Variants in PITPNA observed in about 807,000 individuals in gnomAD.
PITPNA encodes the protein phosphatidylinositol transfer protein alpha isoform.
Under a neutral mutation model 50.3 loss-of-function variants are expected in PITPNA, and 13 were observed. That is an observed-to-expected ratio of 0.26 (90% CI 0.17 to 0.41). The LOEUF (loss-of-function observed/expected upper bound fraction) is 0.41. Ranked by LOEUF, PITPNA falls within the 10% of genes least tolerant of loss-of-function variation. The probability of loss-of-function intolerance (pLI) is 1.00; values close to 1 mark genes in which losing one functional copy is unlikely to be tolerated. For synonymous variants in PITPNA, 120 were observed against 119.6 expected, an observed-to-expected ratio of 1.00 and a Z score of -0.02; for missense variants, 207 against 333.4, an observed-to-expected ratio of 0.62 and a Z score of 2.95.
At chr17:1,530,752 C>G (rs2075576747) in intron 10 of PITPNA, among the ~76,000 whole-genome samples, 1 of 152,120 alleles carries the variant, frequency 6.6e-6, no homozygotes, top group African/African-American at 2.4e-5. Flanking sequence ...CAGAGGACAC[C>G]ACAGCAGGTA....
intron 10 of PITPNA, among the ~76,000 whole-genome samples, chr17:1,532,552 T>C (rs1423146377): frequency 6.6e-6 from 1 of 152,188 alleles, no homozygotes; most frequent in East Asian, 1.9e-4. Context: ...GGACAGCAAA[T>C]ACTTCCACGA....
chr17:1,557,187 C>T (rs1249643890), intron 2 of PITPNA, among the ~76,000 whole-genome samples: 1 of 152,144 alleles, frequency 6.6e-6, no homozygotes, highest in Non-Finnish European at 1.5e-5. Flanking sequence ...AGGCCCACCT[C>T]TGGCCCCCTC....
At chr17:1,543,112 G>C in intron 4 of PITPNA, 85 bp from the exon 5 acceptor site, 1 of 1,062,700 alleles carries the variant, frequency 9.4e-7, no homozygotes. Context: ...CCCACAAGGA[G>C]GACGAATGGC....
In PITPNA at chr17:1,543,008, G is replaced by T. The variant is rs753004898; in HGVS notation, c.297+12C>A. The T allele has an allele frequency of 1.9e-6, 3 of 1,582,176 alleles. No individual in the cohort carries two copies. Among genetic ancestry groups the T allele is most frequent in the Non-Finnish European group, 2.6e-6 (3 of 1,165,904 alleles). ...CATCATCTACAGTTCCAACCCCCTTGACAATACTTACTGTAATAACTGCTC... is the reference window on the plus strand; with the variant it reads ...CATCATCTACAGTTCCAACCCCCTTTACAATACTTACTGTAATAACTGCTC... On this transcript the variant is annotated intron_variant, in intron 5 of 11. Transcript: ENST00000313486.
intron 4 of PITPNA, among the ~76,000 whole-genome samples, chr17:1,545,706 AG>A (rs1263047664): frequency 6.6e-6 from 1 of 152,192 alleles, no homozygotes; most frequent in African/African-American, 2.4e-5. Flanking sequence ...TTTAACGTGC[AG>A]AAAAATGCCC....
At chr17:1,560,311 C>T (rs376939819) in intron 1 of PITPNA, among the ~76,000 whole-genome samples, 48 of 152,268 alleles carry the variant, frequency 3.2e-4, no homozygotes, top group African/African-American at 1.1e-3. Context: ...GGGCCTGGAG[C>T]GGCACTCACT....
intron 2 of PITPNA, among the ~76,000 whole-genome samples, chr17:1,554,107 T>G (rs2075723163): frequency 6.6e-6 from 1 of 152,204 alleles, no homozygotes; most frequent in South Asian, 2.1e-4. Context: ...TGCCCAGACT[T>G]AGCCCTTCCG....
chr17:1,551,279 C>CT (rs879024194), intron 3 of PITPNA, among the ~76,000 whole-genome samples: 1 of 150,496 alleles, frequency 6.6e-6, no homozygotes, highest in Admixed American at 6.6e-5. Flanking sequence ...TTTTCTTTTT[C>CT]TTTTTTTTCT....
In PITPNA at chr17:1,545,633, G is replaced by C. The variant is rs374926588; in HGVS notation, c.290-2606C>G. 3.3e-4 allele frequency among the ~76,000 whole-genome samples: 50 copies of C among 152,304 alleles called. No individual in the cohort carries two copies. The Middle Eastern group carries it at 0.014, about 41-fold the overall frequency. ...AGCTCCAGTGGCGCAATTGGTTAGC[G>C]CATGGTGCTGATACAGAAATTATGT... On this transcript the variant is annotated intron_variant, in intron 4 of 11. Coordinates refer to ENST00000313486, the MANE Select transcript of PITPNA (RefSeq NM_006224.4).
intron 2 of PITPNA, among the ~76,000 whole-genome samples, chr17:1,555,791 G>A (rs937055470): frequency 3.9e-5 from 6 of 152,168 alleles, no homozygotes; most frequent in East Asian, 1.9e-4. Flanking sequence ...GAAGCAGCCC[G>A]GCCGACCTGT....
chr17:1,541,574 G>A lies in PITPNA; in HGVS notation c.364C>T (p.Gln122Ter). The A allele has an allele frequency of 1.9e-6, 3 of 1,611,912 alleles. No individual in the cohort carries two copies. The highest frequency in any genetic ancestry group is 2.5e-6 in the Non-Finnish European group (3 of 1,178,128). ...TGGGAACTACTACTCACATTCTCCT[G>A]CGTGCCAAGATCTGGTTTGTGCCAG... Reference protein sequence around the residue: ...ETWHKPDLGTQENVHKLEPEA... With the variant: ...ETWHKPDLGT Residue 122 changes from glutamine to a stop codon, truncating the protein, a stop_gained, in exon 6 of 12, where the codon CAG becomes TAG. Transcript: ENST00000313486. LOFTEE classifies it high-confidence loss of function.
intron 4 of PITPNA, among the ~76,000 whole-genome samples, chr17:1,545,279 G>A (rs2075667210): frequency 1.3e-5 from 2 of 152,206 alleles, no homozygotes; most frequent in South Asian, 4.1e-4. Context: ...GAAAGGAAGA[G>A]CCTTCCAAAA....
In PITPNA at chr17:1,553,082, A is replaced by G; in HGVS notation, c.119T>C (p.Val40Ala). The G allele has an allele frequency of 6.2e-7, 1 of 1,613,888 alleles. No homozygotes were observed. Among genetic ancestry groups the G allele is most frequent in the Non-Finnish European group, 8.5e-7 (1 of 1,179,848 alleles). The change falls in exon 3 of 12, where the codon GTG (valine) becomes GCG (alanine). Residue 40 changes from valine (V) to alanine (A), a missense_variant. Coordinates refer to ENST00000313486, the MANE Select transcript of PITPNA (RefSeq NM_006224.4). ...SKNETGGGEG[V>A]EVLVNEPYEK... ...GTAGGGCTCATTCACCAGGACCTCCACGCCTTCGCCACCACCCGTTTCATT... is the reference window on the plus strand; with the variant it reads ...GTAGGGCTCATTCACCAGGACCTCCGCGCCTTCGCCACCACCCGTTTCATT...
At position 1,528,999 on chromosome 17, in the gene PITPNA, G is replaced by A. The variant is rs894213042; in HGVS notation, c.768+5100C>T. The stretch of plus-strand genomic sequence containing the variant: ...CTAAAAATACAAAAATTAGCTGGGC[G>A]TGGTGGCGCACACCTGTAATCCCAG... On this transcript the variant is annotated intron_variant, in intron 10 of 11. Transcript: ENST00000313486. Among the ~76,000 whole-genome samples, 6 of 151,350 alleles carry A rather than the reference G, an allele frequency of 4.0e-5. No individual in the cohort carries two copies. In the South Asian group the frequency reaches 1.0e-3, roughly 26 times the overall value.
chr17:1,537,271 G>C (rs559249349), intron 7 of PITPNA, among the ~76,000 whole-genome samples: 13 of 152,226 alleles, frequency 8.5e-5, no homozygotes, highest in Admixed American at 7.2e-4. Context: ...CACCATGTTG[G>C]CCAGGATGGT....
intron 10 of PITPNA, among the ~76,000 whole-genome samples, chr17:1,524,251 A>G (rs141079580): frequency 1.5e-3 from 225 of 148,446 alleles, no homozygotes; most frequent in African/African-American, 4.6e-3. Flanking sequence ...TCACCATGTT[A>G]GCCAGGATGG....
chr17:1,524,211 A>T (rs1459215578), intron 10 of PITPNA, among the ~76,000 whole-genome samples: 1 of 149,898 alleles, frequency 6.7e-6, no homozygotes, highest in Non-Finnish European at 1.5e-5. Context: ...CGCCCGGCTA[A>T]TTTTTTGTGT....
intron 10 of PITPNA, among the ~76,000 whole-genome samples, chr17:1,531,243 C>T (rs1169188009): frequency 6.6e-6 from 1 of 152,132 alleles, no homozygotes; most frequent in African/African-American, 2.4e-5. Context: ...CTGCCTGTCT[C>T]CCACAGCAAG....
chr17:1,556,219 C>A (rs2075734207), intron 2 of PITPNA, among the ~76,000 whole-genome samples: 1 of 152,292 alleles, frequency 6.6e-6, no homozygotes, highest in Non-Finnish European at 1.5e-5. Flanking sequence ...TCGACCCTAC[C>A]CAGGCCACGT....
Sources: allele counts gnomAD v4.1 joint callset (sites outside exome capture counted in the v4.1 genomes callset), GRCh38; gene constraint gnomAD v4.1.1; transcripts MANE v1.5; gene names NCBI Gene and HGNC (gene_info 2026-07-23, HGNC 2026-07-21).